RAD51B: variants seen among roughly 807,000 people sequenced by gnomAD.
The protein encoded by RAD51B is DNA repair protein RAD51 homolog 2.
In RAD51B, 38 loss-of-function variants were observed where a neutral mutation model predicts 42.2. The observed-to-expected ratio is 0.90, with a 90% confidence interval of 0.70 to 1.18. The LOEUF is 1.18. Ranked by LOEUF, RAD51B falls within the 50% of genes most tolerant of loss-of-function variation. The pLI is 0.00. For missense variants in RAD51B, 373 were observed against 400.7 expected (o/e 0.93, Z 0.59); for synonymous variants, 154 against 145.2 (o/e 1.06, Z -0.43).
chr14:68,407,825 G>A (rs561277367), intron 8 of RAD51B, among the ~76,000 whole-genome samples: 7 of 152,324 alleles, frequency 4.6e-5, no homozygotes, highest in African/African-American at 1.7e-4. Context: ...AAGTGATTAA[G>A]TAGGAACACA....
At chr14:68,371,046 A>G (rs1594742480) in intron 8 of RAD51B, among the ~76,000 whole-genome samples, 1 of 141,590 alleles carries the variant, frequency 7.1e-6, no homozygotes, top group Non-Finnish European at 1.5e-5. Flanking sequence ...CAAAAAAAAA[A>G]AAAAAAAAAG....
At chr14:68,541,992 T>G (rs115810442) in intron 10 of RAD51B, among the ~76,000 whole-genome samples, 1 of 152,348 alleles carries the variant, frequency 6.6e-6, no homozygotes, top group African/African-American at 2.4e-5. Flanking sequence ...TACATATATT[T>G]CTTTTTATAT....
chr14:68,661,276 G>C (rs889236015), intron 11 of RAD51B, among the ~76,000 whole-genome samples: 1 of 152,228 alleles, frequency 6.6e-6, no homozygotes, highest in Non-Finnish European at 1.5e-5. Flanking sequence ...CTGCAGAACA[G>C]GAGAAATTAT....
At chr14:68,262,392 C>T (rs2139552298) in intron 7 of RAD51B, among the ~76,000 whole-genome samples, 1 of 152,288 alleles carries the variant, frequency 6.6e-6, no homozygotes, top group South Asian at 2.1e-4. Flanking sequence ...TTCCCCTCTT[C>T]TCACCCACCC....
intron 7 of RAD51B, among the ~76,000 whole-genome samples, chr14:68,287,945 G>A (rs1194367603): frequency 2.6e-5 from 4 of 152,140 alleles, no homozygotes; most frequent in Non-Finnish European, 4.4e-5. Flanking sequence ...GTCACACAGC[G>A]AGTAAATGGT....
chr14:68,121,703 C>T lies in RAD51B; in HGVS notation c.757-170181C>T, dbSNP rs374517668. On this transcript the variant is annotated intron_variant, in intron 7 of 10. Coordinates refer to ENST00000471583, the MANE Select transcript of RAD51B (RefSeq NM_133510.4). Reference sequence around the variant, plus strand: ...TAGAAAGGAGGCATATTAACTATACCTTCTAAGTAATATGATTGTATATTT... The same window carrying T: ...TAGAAAGGAGGCATATTAACTATACTTTCTAAGTAATATGATTGTATATTT... Among the ~76,000 whole-genome samples the T allele has an allele frequency of 4.7e-4, 72 of 151,954 alleles. 2 individuals carry two copies. In the South Asian group the frequency reaches 0.015, roughly 31 times the overall value.
chr14:68,448,355 G>A (rs2085471626), intron 9 of RAD51B, among the ~76,000 whole-genome samples: 2 of 152,212 alleles, frequency 1.3e-5, no homozygotes, highest in Admixed American at 6.5e-5. Flanking sequence ...AGCCACTAAA[G>A]CTGTGGACTA....
intron 10 of RAD51B, among the ~76,000 whole-genome samples, chr14:68,548,777 TC>T (rs1178652463): frequency 6.6e-6 from 1 of 151,970 alleles, no homozygotes; most frequent in Non-Finnish European, 1.5e-5. Context: ...CCCAGGATTA[TC>T]CCCCCACCCA....
intron 10 of RAD51B, among the ~76,000 whole-genome samples, chr14:68,619,225 A>G (rs989381145): frequency 6.6e-6 from 1 of 152,220 alleles, no homozygotes; most frequent in Non-Finnish European, 1.5e-5. Flanking sequence ...CTGTAATCCC[A>G]GCACTTTGGG....
chr14:68,388,090 A>ATATG (rs1372226840), intron 8 of RAD51B, among the ~76,000 whole-genome samples: 77 of 136,656 alleles, frequency 5.6e-4, no homozygotes, highest in Admixed American at 3.6e-3. Flanking sequence ...ATATATATAT[A>ATATG]TATATTTTTT....
intron 8 of RAD51B, among the ~76,000 whole-genome samples, chr14:68,398,383 T>C (rs2083988360): frequency 6.6e-6 from 1 of 152,210 alleles, no homozygotes; most frequent in Non-Finnish European, 1.5e-5. Context: ...TTGCACTCTG[T>C]TCCTGCTGTC....
intron 10 of RAD51B, among the ~76,000 whole-genome samples, chr14:68,549,620 TAGCC>T (rs1888427518): frequency 6.6e-6 from 1 of 151,042 alleles, no homozygotes; most frequent in African/African-American, 2.4e-5. Flanking sequence ...TTCACCGTGT[TAGCC>T]AGGATGGTCT....
intron 7 of RAD51B, among the ~76,000 whole-genome samples, chr14:67,900,598 TTG>T (rs142144274): frequency 0.57 from 81,159 of 142,024 alleles, 23,663 homozygotes; most frequent in East Asian, 0.83. Context: ...TTCTTTCAGT[TTG>T]TGTGTGTGTG....
chr14:68,427,186 A>C (rs927268069), intron 9 of RAD51B, among the ~76,000 whole-genome samples: 1 of 152,268 alleles, frequency 6.6e-6, no homozygotes, highest in African/African-American at 2.4e-5. Context: ...GGGCAGAGCC[A>C]TGGCAGAGAG....
At chr14:68,659,443 AC>A (rs146696156) in intron 11 of RAD51B, among the ~76,000 whole-genome samples, 2,667 of 152,280 alleles carry the variant, frequency 0.018, 83 homozygotes, top group African/African-American at 0.06. Context: ...TGCAATATAA[AC>A]AAGAAGCAAA....
At position 68,281,727 on chromosome 14, in the gene RAD51B, C is replaced by T. The variant is rs550966004; in HGVS notation, c.757-10157C>T. 2.0e-5 allele frequency among the ~76,000 whole-genome samples: 3 copies of T among 152,296 alleles called. No homozygotes were observed. The South Asian group carries it at 6.2e-4, about 32-fold the overall frequency. ...TCATATGAGAGGCGACAAATAGCTACCTGAAAATGAGGGAGAAAAACTATG... is the reference window on the plus strand; with the variant it reads ...TCATATGAGAGGCGACAAATAGCTATCTGAAAATGAGGGAGAAAAACTATG... On this transcript the variant is annotated intron_variant, in intron 7 of 10. Coordinates refer to ENST00000471583, the MANE Select transcript of RAD51B (RefSeq NM_133510.4).
intron 10 of RAD51B, chr14:68,563,344 C>T (rs1309960150): frequency 1.0e-6 from 1 of 985,318 alleles, no homozygotes; most frequent in African/African-American, 1.7e-5. Context: ...TCCAGCTCAG[C>T]CTGCCAGGCC....
chr14:68,196,868 C>T (rs2079383389), intron 7 of RAD51B, among the ~76,000 whole-genome samples: 1 of 152,182 alleles, frequency 6.6e-6, no homozygotes, highest in African/African-American at 2.4e-5. Context: ...ACTTTATTCT[C>T]AAGGAGTTCT....
intron 8 of RAD51B, among the ~76,000 whole-genome samples, chr14:68,346,092 G>T: frequency 6.6e-6 from 1 of 152,194 alleles, no homozygotes; most frequent in Non-Finnish European, 1.5e-5. Flanking sequence ...GTTTTTGAAT[G>T]CATGCAGAGA....
Sources: gnomAD v4.1 joint callset for allele counts (sites outside exome capture counted in the v4.1 genomes callset) on GRCh38, gnomAD v4.1.1 for gene constraint, MANE v1.5 for transcripts, NCBI Gene and HGNC (gene_info 2026-07-23, HGNC 2026-07-21) for gene names.